Variants in CHD1L observed in about 807,000 individuals in gnomAD.
CHD1L encodes the protein chromodomain helicase DNA binding protein 1 like, also known as ATP-dependent chromatin remodeler CHD1L.
A neutral mutation model predicts 115.9 loss-of-function variants in CHD1L; 118 were observed. The observed-to-expected ratio is 1.02, with a 90% CI of 0.88 to 1.19. The LOEUF (loss-of-function observed/expected upper bound fraction) is 1.19, where lower values mean the gene tolerates loss of function less well. Ranked by LOEUF, CHD1L falls within the 50% of genes most tolerant of loss-of-function variation. The pLI, the probability that CHD1L is intolerant of heterozygous loss-of-function variation, is 0.00. For missense variants in CHD1L, 1,179 were observed against 1,065.3 expected, an observed-to-expected ratio of 1.11 and a Z score of -1.49; for synonymous variants, 411 against 387.1, an observed-to-expected ratio of 1.06 and a Z score of -0.72.
At chr1:147,229,940 T>C in the CHD1L span, among the ~76,000 whole-genome samples, 1 of 150,966 alleles carries the variant, frequency 6.6e-6, no homozygotes, top group East Asian at 2.0e-4. Context: ...AGATATACAA[T>C]CATGTCTTCT....
chr1:147,204,518 C>T, the CHD1L span: 1 of 1,567,608 alleles, frequency 6.4e-7, no homozygotes, highest in Non-Finnish European at 8.8e-7. Context: ...ATCTCATGAG[C>T]TTTTCTGCAA....
the CHD1L span, among the ~76,000 whole-genome samples, chr1:147,230,724 C>T: frequency 1.1e-4 from 16 of 148,284 alleles, no homozygotes; most frequent in East Asian, 2.1e-4. Context: ...AACTTCTTCC[C>T]GGTTTAGTCT....
At chr1:147,284,915 A>C (rs1189415083) in intron 16 of CHD1L, among the ~76,000 whole-genome samples, 2 of 152,252 alleles carry the variant, frequency 1.3e-5, no homozygotes, top group African/African-American at 4.8e-5. Context: ...CACTAAGATA[A>C]TCATGATGTT....
At chr1:147,212,406 T>C in the CHD1L span, 10 of 1,613,940 alleles carry the variant, frequency 6.2e-6, no homozygotes, top group African/African-American at 4.0e-5. Context: ...CTTGGCTGTT[T>C]GGCTAATCTC....
At chr1:147,287,506 A>G (rs1195769110) in intron 18 of CHD1L, 129 bp from the exon 19 acceptor site, 1 of 625,644 alleles carries the variant, frequency 1.6e-6, no homozygotes, top group Non-Finnish European at 2.8e-6. Flanking sequence ...TTCCTAGGAG[A>G]TAAGATATTT....
the CHD1L span, chr1:147,204,788 G>A: frequency 8.2e-6 from 13 of 1,586,146 alleles, no homozygotes; most frequent in Admixed American, 8.3e-5. Flanking sequence ...ATTCCATTTC[G>A]TCCATATGCT....
the CHD1L span, among the ~76,000 whole-genome samples, chr1:147,229,319 A>G: frequency 6.6e-6 from 1 of 152,124 alleles, no homozygotes; most frequent in Admixed American, 6.5e-5. Context: ...AGATGGTTGT[A>G]GATATGCGGC....
At chr1:147,278,222 G>GTTTTTTTTTTTTTTT (rs71083825) in intron 14 of CHD1L, among the ~76,000 whole-genome samples, 2 of 91,130 alleles carry the variant, frequency 2.2e-5, no homozygotes, top group African/African-American at 4.5e-5. Flanking sequence ...TGTTTTTTGG[G>GTTTTTTTTTTTTTTT]TTTTTTTTTT....
chr1:147,272,745 T>C (rs1011892552), intron 12 of CHD1L, among the ~76,000 whole-genome samples: 1 of 152,204 alleles, frequency 6.6e-6, no homozygotes, highest in African/African-American at 2.4e-5. Flanking sequence ...ATACCAACTT[T>C]TTAGAATTAT....
the CHD1L span, among the ~76,000 whole-genome samples, chr1:147,214,460 AAAAAAC>A: frequency 0.13 from 11 of 84 alleles, no homozygotes; most frequent in East Asian, 0.33. Context: ...GAAAAAAAAC[AAAAAAC>A]AAAAAAAAAA....
Position 147,255,838 on chromosome 1 carries a change from A to G in CHD1L, c.373A>G (p.Thr125Ala), listed in dbSNP as rs1669933364. The change falls in exon 4 of 23, where the codon ACA becomes GCA. Residue 125 changes from threonine (T) to alanine (A), a missense_variant. By Grantham distance (58) the Thr-to-Ala change is moderately conservative. Coordinates refer to ENST00000369258, the MANE Select transcript of CHD1L (RefSeq NM_004284.6). ...ATTTGCTCCAGGTCTTTCCTGTGTA[A>G]CATATGCAGGCGACAAGGAGGAAAG... ...QRFAPGLSCV[T>A]YAGDKEERAC... 6.2e-7 allele frequency: 1 copy of G among 1,613,500 alleles called. No individual in the cohort carries two copies. The highest frequency in any genetic ancestry group is 8.5e-7 in the Non-Finnish European group (1 of 1,179,702).
chr1:147,187,021 C>T, the CHD1L span: 23 of 1,613,580 alleles, frequency 1.4e-5, 1 homozygote, highest in East Asian at 2.0e-4. Flanking sequence ...CTTCCTGATG[C>T]GATCATCTGT....
chr1:147,235,119 GTGTA>G, the CHD1L span, among the ~76,000 whole-genome samples: 1 of 148,900 alleles, frequency 6.7e-6, no homozygotes, highest in African/African-American at 2.4e-5. Flanking sequence ...GTGTGTGTGT[GTGTA>G]TGTGTGTGTG....
At chr1:147,188,191 A>G in the CHD1L span, among the ~76,000 whole-genome samples, 1 of 152,152 alleles carries the variant, frequency 6.6e-6, no homozygotes, top group Admixed American at 6.5e-5. Context: ...GTTTGTAGAC[A>G]TGCATTTATT....
chr1:147,265,911 G>T (rs751481282), intron 7 of CHD1L, 21 bp from the exon 8 acceptor site: 3 of 1,594,270 alleles, frequency 1.9e-6, no homozygotes, highest in African/African-American at 2.7e-5. Flanking sequence ...CACACTTCTT[G>T]TATTTTTTTT....
intron 12 of CHD1L, among the ~76,000 whole-genome samples, chr1:147,273,070 G>A (rs1416410947): frequency 1.3e-5 from 2 of 152,136 alleles, no homozygotes; most frequent in Non-Finnish European, 2.9e-5. Context: ...GGATGTAGTG[G>A]TGCGTGCCTG....
At chr1:147,274,312 GT>G (rs1420996301) in intron 12 of CHD1L, among the ~76,000 whole-genome samples, 2 of 152,170 alleles carry the variant, frequency 1.3e-5, no homozygotes, top group Non-Finnish European at 2.9e-5. Flanking sequence ...CACAGCGTAA[GT>G]GTCATTATCA....
At chr1:147,286,169 T>G in intron 17 of CHD1L, 129 bp from the exon 18 acceptor site, 1 of 874,438 alleles carries the variant, frequency 1.1e-6, no homozygotes, top group Non-Finnish European at 1.7e-6. Context: ...GTAGAAAACT[T>G]CAATCAGGGT....
intron 19 of CHD1L, among the ~76,000 whole-genome samples, chr1:147,290,327 C>T (rs1337116678): frequency 1.3e-5 from 2 of 152,100 alleles, no homozygotes; most frequent in Admixed American, 1.3e-4. Flanking sequence ...TCAAGTGGTC[C>T]ACCTCCCTCA....
Sources: gnomAD v4.1 joint callset for allele counts (sites outside exome capture counted in the v4.1 genomes callset) on GRCh38, gnomAD v4.1.1 for gene constraint, MANE v1.5 for transcripts, NCBI Gene and HGNC (gene_info 2026-07-23, HGNC 2026-07-21) for gene names.